The following C6 variants were observed in gnomAD, a reference collection of about 807,000 sequenced individuals.
C6 encodes complement component C6.
In C6, 101 loss-of-function variants were observed where a neutral mutation model predicts 112.9. The observed-to-expected ratio is 0.89, with a 90% CI of 0.76 to 1.06. The LOEUF (loss-of-function observed/expected upper bound fraction) is 1.06. Among genes scored for constraint, C6 ranks in the 50% least tolerant of loss-of-function variants. The probability of loss-of-function intolerance (pLI) is 0.00; values close to 1 mark genes in which losing one functional copy is unlikely to be tolerated. For missense variants in C6, 1,202 were observed against 1,104.6 expected, an observed-to-expected ratio of 1.09 and a Z score of -1.25; for synonymous variants, 431 against 384.1, an observed-to-expected ratio of 1.12 and a Z score of -1.43.
At chr5:41,154,583 C>T (rs1746718914) in intron 14 of C6, among the ~76,000 whole-genome samples, 1 of 152,230 alleles carries the variant, frequency 6.6e-6, no homozygotes, top group South Asian at 2.1e-4. Context: ...TCCCATCTTA[C>T]ACAAATTCCC....
chr5:41,243,830 G>C (rs1361284861), intron 1 of C6, among the ~76,000 whole-genome samples: 1 of 151,998 alleles, frequency 6.6e-6, no homozygotes, highest in African/African-American at 2.4e-5. Context: ...TGGACAGCTG[G>C]GGAGGTGGTA....
At chr5:41,148,659 G>A (rs1185016148) in intron 17 of C6, among the ~76,000 whole-genome samples, 1 of 152,196 alleles carries the variant, frequency 6.6e-6, no homozygotes, top group African/African-American at 2.4e-5. Flanking sequence ...GCATCTGGCT[G>A]ACCCCACGCA....
intron 9 of C6, among the ~76,000 whole-genome samples, chr5:41,168,127 T>C (rs916596462): frequency 2.0e-5 from 3 of 152,116 alleles, no homozygotes; most frequent in Admixed American, 6.6e-5. Flanking sequence ...AACTACTGTG[T>C]CCAGATCAGC....
chr5:41,153,872 C>A lies in C6; in HGVS notation c.2228G>T (p.Arg743Met). The change falls in exon 15 of 18, where the codon AGG (arginine) becomes ATG (methionine). Residue 743 changes from arginine to methionine, a missense_variant. Physicochemically the swap from Arg to Met is moderately conservative, Grantham distance 91. Transcript: ENST00000337836. ...PKGFVVAGPS[R>M]YTCQGNSWTP... The stretch of plus-strand genomic sequence containing the variant: ...CCAGGAATTCCCCTGGCATGTGTAC[C>A]TTGATGGCCCAGCAACAACAAAGCC... 6.2e-7 allele frequency: 1 copy of A among 1,613,762 alleles called. No individual in the cohort carries two copies. The highest frequency in any genetic ancestry group is 2.2e-5 in the East Asian group (1 of 44,846).
chr5:41,153,728 A>T, intron 15 of C6, 82 bp downstream of exon 15: 1 of 1,076,786 alleles, frequency 9.3e-7, no homozygotes. Flanking sequence ...GTGCTTAAGA[A>T]ATATAATGGC....
chr5:41,191,067 C>CTTTTTTTTTTTTT (rs142519688), intron 5 of C6, among the ~76,000 whole-genome samples: 9 of 84,730 alleles, frequency 1.1e-4, no homozygotes, highest in African/African-American at 3.5e-4. Flanking sequence ...ATGCCTTTGG[C>CTTTTTTTTTTTTT]TTTTTTTTTT....
chr5:41,161,178 G>A (rs530390853), intron 10 of C6, among the ~76,000 whole-genome samples: 70 of 152,156 alleles, frequency 4.6e-4, no homozygotes, highest in African/African-American at 1.6e-3. Flanking sequence ...GTTCTAAATG[G>A]CATATGGCTG....
intron 5 of C6, among the ~76,000 whole-genome samples, chr5:41,193,865 C>A (rs1750408812): frequency 6.8e-6 from 1 of 146,976 alleles, no homozygotes; most frequent in Non-Finnish European, 1.5e-5. Flanking sequence ...GATTCTAAGG[C>A]CAGCAGATTA....
chr5:41,180,879 G>T (rs772297169), intron 7 of C6, among the ~76,000 whole-genome samples: 5 of 149,360 alleles, frequency 3.3e-5, no homozygotes, highest in Non-Finnish European at 5.9e-5. Context: ...CTCAAGAAAA[G>T]GAATATAAGA....
chr5:41,167,170 T>C (rs1193780079), intron 9 of C6, among the ~76,000 whole-genome samples: 3 of 152,098 alleles, frequency 2.0e-5, no homozygotes, highest in Non-Finnish European at 4.4e-5. Context: ...GAGCAAAATT[T>C]TGTCTTTCGA....
At chr5:41,227,075 A>C (rs1368729316) in intron 1 of C6, among the ~76,000 whole-genome samples, 1 of 152,144 alleles carries the variant, frequency 6.6e-6, no homozygotes, top group Non-Finnish European at 1.5e-5. Context: ...TCCTACCAAC[A>C]GTGTGTAAGA....
chr5:41,171,155 T>C (rs1050044851), intron 9 of C6, among the ~76,000 whole-genome samples: 1 of 152,092 alleles, frequency 6.6e-6, no homozygotes, highest in Non-Finnish European at 1.5e-5. Flanking sequence ...TTTATATCCA[T>C]GGAAATAAAA....
At chr5:41,187,835 A>C (rs2150338187) in intron 5 of C6, among the ~76,000 whole-genome samples, 1 of 152,238 alleles carries the variant, frequency 6.6e-6, no homozygotes, top group Non-Finnish European at 1.5e-5. Flanking sequence ...CTGCCCTATG[A>C]AAGGAAACAA....
At chr5:41,195,736 T>C in intron 5 of C6, 56 bp downstream of exon 5, 2 of 1,572,474 alleles carry the variant, frequency 1.3e-6, no homozygotes, top group East Asian at 2.2e-5. Context: ...TTGCTCCCTC[T>C]GACTCATTTG....
At chr5:41,161,622 T>A in intron 10 of C6, 71 bp downstream of exon 10, 1 of 1,187,756 alleles carries the variant, frequency 8.4e-7, no homozygotes, top group South Asian at 1.2e-5. Context: ...GAAAATAAAT[T>A]GTGTGATGTG....
chr5:41,205,126 T>C (rs13359770), intron 1 of C6, among the ~76,000 whole-genome samples: 16,439 of 152,244 alleles, frequency 0.11, 872 homozygotes, highest in African/African-American at 0.14. Flanking sequence ...CCTTTATCAC[T>C]GTCTGGGAGG....
At chr5:41,150,934 G>T (rs930254191) in intron 15 of C6, among the ~76,000 whole-genome samples, 9 of 150,910 alleles carry the variant, frequency 6.0e-5, no homozygotes, top group African/African-American at 1.9e-4. Context: ...GGAACTGAAA[G>T]AACCCAGTGT....
chr5:41,173,429 G>A (rs914677985), intron 8 of C6, among the ~76,000 whole-genome samples: 2 of 152,078 alleles, frequency 1.3e-5, no homozygotes, highest in South Asian at 2.1e-4. Flanking sequence ...TACTATCTGG[G>A]GTAATTGAGG....
intron 9 of C6, among the ~76,000 whole-genome samples, chr5:41,170,377 G>T (rs1033994656): frequency 6.6e-6 from 1 of 151,714 alleles, no homozygotes; most frequent in Non-Finnish European, 1.5e-5. Context: ...CTCAATGTTT[G>T]TTTTTGTACC....
Sources: allele counts gnomAD v4.1 joint callset (sites outside exome capture counted in the v4.1 genomes callset), GRCh38; gene constraint gnomAD v4.1.1; transcripts MANE v1.5; gene names NCBI Gene and HGNC (gene_info 2026-07-23, HGNC 2026-07-21).